The following PDE4D variants were observed in gnomAD, a reference collection of about 807,000 sequenced individuals.
PDE4D encodes 3',5'-cyclic-AMP phosphodiesterase 4D.
PDE4D carries 24 observed loss-of-function variants against 87.4 expected under a neutral mutation model. The ratio of observed to expected loss-of-function variants is 0.27; its 90% CI spans 0.20 to 0.39. PDE4D has a LOEUF of 0.39. PDE4D is among the 10% of genes least tolerant of loss of function. PDE4D has a pLI of 1.00. For missense variants in PDE4D, 714 were observed against 1,041.0 expected (o/e 0.69, Z 4.32); for synonymous variants, 384 against 383.2 (o/e 1.00, Z -0.02).
At chr5:59,695,018 C>T (rs1419422578) in intron 1 of PDE4D, among the ~76,000 whole-genome samples, 1 of 152,022 alleles carries the variant, frequency 6.6e-6, no homozygotes, top group African/African-American at 2.4e-5. Flanking sequence ...AAGTCGGGAC[C>T]CCCCAGGAAT....
At chr5:60,036,313 G>A (rs1248082768) in intron 2 of PDE4D, among the ~76,000 whole-genome samples, 2 of 152,156 alleles carry the variant, frequency 1.3e-5, no homozygotes, top group Non-Finnish European at 2.9e-5. Flanking sequence ...ATAGTGTAAG[G>A]ACCCACCAAT....
intron 3 of PDE4D, among the ~76,000 whole-genome samples, chr5:59,939,135 G>A (rs1380210843): frequency 6.6e-6 from 1 of 152,194 alleles, no homozygotes; most frequent in African/African-American, 2.4e-5. Flanking sequence ...AGATGAGGTA[G>A]GGCGGAGTAT....
At chr5:59,301,337 A>G (rs1448909907) in intron 1 of PDE4D, among the ~76,000 whole-genome samples, 1 of 152,154 alleles carries the variant, frequency 6.6e-6, no homozygotes, top group Non-Finnish European at 1.5e-5. Flanking sequence ...AAACTAATAT[A>G]TATCATAACA....
intron 1 of PDE4D, among the ~76,000 whole-genome samples, chr5:59,470,510 C>T (rs980219634): frequency 6.6e-6 from 1 of 152,032 alleles, no homozygotes; most frequent in Non-Finnish European, 1.5e-5. Context: ...TGAATTAAGC[C>T]GAGAAATAGT....
chr5:60,511,483 T>C (rs1750569356), intron 1 of PDE4D, among the ~76,000 whole-genome samples: 1 of 151,092 alleles, frequency 6.6e-6, no homozygotes, highest in African/African-American at 2.4e-5. Context: ...CATTATTCTA[T>C]GAACAAACTT....
At chr5:59,975,800 C>G (rs1039503864) in intron 3 of PDE4D, among the ~76,000 whole-genome samples, 1 of 152,198 alleles carries the variant, frequency 6.6e-6, no homozygotes, top group Non-Finnish European at 1.5e-5. Context: ...TGCAGACACT[C>G]TACTTTAATC....
At chr5:60,073,677 G>T (rs1772978953) in intron 2 of PDE4D, among the ~76,000 whole-genome samples, 2 of 151,720 alleles carry the variant, frequency 1.3e-5, no homozygotes, top group South Asian at 4.2e-4. Flanking sequence ...GCTATTTACT[G>T]ATAAATTTAC....
rs192189527 is a variant in PDE4D, at chr5:59,165,279, C to A, written c.808+15316G>T. 2.6e-5 allele frequency among the ~76,000 whole-genome samples: 4 copies of A among 151,696 alleles called. No individual in the cohort carries two copies. The East Asian group carries it at 7.7e-4, about 29-fold the overall frequency. On this transcript the variant is annotated intron_variant, in intron 5 of 14. Coordinates refer to ENST00000340635, the MANE Select transcript of PDE4D (RefSeq NM_001104631.2). ...ATTTTGCTTCATTTTTCATAAATAT[C>A]TTTTTTTTTCCTAAGACAGAGTCTT...
intron 5 of PDE4D, chr5:59,166,581 CA>C (rs1781955714): frequency 6.6e-6 from 1 of 152,108 alleles, no homozygotes; most frequent in Non-Finnish European, 1.5e-5. Flanking sequence ...ATGCTTATTC[CA>C]CACATTGCCA....
At chr5:60,138,353 A>G (rs1272194180) in intron 2 of PDE4D, among the ~76,000 whole-genome samples, 1 of 152,170 alleles carries the variant, frequency 6.6e-6, no homozygotes, top group Admixed American at 6.6e-5. Context: ...CAAAGGAAGA[A>G]TGCTGTGGCA....
intron 2 of PDE4D, among the ~76,000 whole-genome samples, chr5:60,107,673 C>T (rs868000603): frequency 6.6e-6 from 1 of 152,182 alleles, no homozygotes; most frequent in Admixed American, 6.5e-5. Context: ...ATCAAGTGGG[C>T]TTCATCCCTG....
intron 1 of PDE4D, among the ~76,000 whole-genome samples, chr5:60,517,697 G>A (rs1266259551): frequency 1.3e-5 from 2 of 152,186 alleles, no homozygotes; most frequent in Non-Finnish European, 2.9e-5. Flanking sequence ...CCTGCCTGCA[G>A]AGAGGAGCTA....
At chr5:60,003,546 C>A (rs1472711043) in intron 2 of PDE4D, among the ~76,000 whole-genome samples, 6 of 151,754 alleles carry the variant, frequency 4.0e-5, no homozygotes, top group Non-Finnish European at 5.9e-5. Flanking sequence ...CCTATCTCTA[C>A]TAAAAATACA....
At chr5:60,193,688 A>AG (rs1443904542) in intron 1 of PDE4D, among the ~76,000 whole-genome samples, 46 of 149,706 alleles carry the variant, frequency 3.1e-4, no homozygotes, top group East Asian at 1.2e-3. Context: ...AAAAAAAAAA[A>AG]AAAAGAAAGA....
intron 1 of PDE4D, among the ~76,000 whole-genome samples, chr5:59,283,220 C>T (rs1766190575): frequency 6.6e-6 from 1 of 152,014 alleles, no homozygotes; most frequent in Non-Finnish European, 1.5e-5. Flanking sequence ...AATCAATAAG[C>T]TATGGAGAAA....
intron 5 of PDE4D, among the ~76,000 whole-genome samples, chr5:59,159,643 A>G (rs149759293): frequency 1.6e-4 from 24 of 152,346 alleles, no homozygotes; most frequent in South Asian, 6.2e-4. Flanking sequence ...GGTGAAAAGA[A>G]CCCAGAAAAG....
At chr5:60,328,284 C>A (rs75164526) in intron 1 of PDE4D, among the ~76,000 whole-genome samples, 11 of 152,206 alleles carry the variant, frequency 7.2e-5, no homozygotes, top group African/African-American at 2.2e-4. Flanking sequence ...GTTTTGGTCA[C>A]CTTTCTGAGA....
At chr5:59,956,740 A>T (rs940177408) in intron 3 of PDE4D, among the ~76,000 whole-genome samples, 1 of 152,208 alleles carries the variant, frequency 6.6e-6, no homozygotes, top group Non-Finnish European at 1.5e-5. Flanking sequence ...ATTTCTTACA[A>T]ATGTTTTCAG....
intron 5 of PDE4D, among the ~76,000 whole-genome samples, chr5:59,180,048 C>A (rs77731484): frequency 6.6e-6 from 1 of 152,106 alleles, no homozygotes. Flanking sequence ...TAGATCCCAA[C>A]GTTTTGATCT....
Sources: allele counts gnomAD v4.1 joint callset (sites outside exome capture counted in the v4.1 genomes callset), GRCh38; gene constraint gnomAD v4.1.1; transcripts MANE v1.5; gene names NCBI Gene and HGNC (gene_info 2026-07-23, HGNC 2026-07-21).